The following TP73 variants were observed in gnomAD, a reference collection of about 807,000 sequenced individuals.
TP73 encodes tumor protein p73, also known as p53-like transcription factor.
In TP73, 25 loss-of-function variants were observed where a neutral mutation model predicts 62.5. The observed-to-expected ratio is 0.40, with a 90% CI of 0.29 to 0.56. The LOEUF (loss-of-function observed/expected upper bound fraction) is 0.56, where lower values mean the gene tolerates loss of function less well. Among genes scored for constraint, TP73 ranks in the 20% least tolerant of loss-of-function variants. TP73 has a pLI of 0.46. For missense variants in TP73, 754 were observed against 913.3 expected (o/e 0.83, Z 2.25); for synonymous variants, 423 against 377.5 (o/e 1.12, Z -1.40).
chr1:3,686,035 G>C (rs1645647266), intron 3 of TP73, among the ~76,000 whole-genome samples: 1 of 152,226 alleles, frequency 6.6e-6, no homozygotes, highest in South Asian at 2.1e-4. Context: ...TGGGGGGCCT[G>C]CTTGTGGAAG....
intron 1 of TP73, 47 bp from the exon 2 acceptor site, chr1:3,682,286 A>G: frequency 5.8e-6 from 8 of 1,367,584 alleles, no homozygotes; most frequent in Non-Finnish European, 6.8e-6. Flanking sequence ...AGGAGGACAG[A>G]GCACGAGTTC....
chr1:3,707,168 C>T (rs1482279168), intron 3 of TP73, among the ~76,000 whole-genome samples: 1 of 152,188 alleles, frequency 6.6e-6, no homozygotes. Context: ...CTGGATCTCC[C>T]CACTTTGAGC....
intron 6 of TP73, among the ~76,000 whole-genome samples, chr1:3,725,424 T>G (rs1641425384): frequency 4.1e-5 from 5 of 122,712 alleles, no homozygotes; most frequent in South Asian, 2.6e-4. Context: ...AATGGATGGA[T>G]GGGTAGGTAG....
chr1:3,714,933 G>A (rs1427111364), intron 4 of TP73, among the ~76,000 whole-genome samples: 2 of 152,214 alleles, frequency 1.3e-5, no homozygotes, highest in African/African-American at 2.4e-5. Context: ...ATTCCTTCCC[G>A]GGCTTGGGCA....
rs535214803 is a variant in TP73, at chr1:3,713,806, G to A, written c.429+6015G>A. ...GGACAGCGTGAGGCTCAGAGATTAC[G>A]TGGCGGCCGAGGCTGGTGTCCACAG... On this transcript the variant is annotated intron_variant, in intron 4 of 13. Coordinates refer to ENST00000378295, the MANE Select transcript of TP73 (RefSeq NM_005427.4). Among the ~76,000 whole-genome samples the A allele has an allele frequency of 3.3e-5, 5 of 152,278 alleles. No individual in the cohort carries two copies. The Middle Eastern group carries it at 0.014, about 414-fold the overall frequency.
intron 3 of TP73, among the ~76,000 whole-genome samples, chr1:3,690,098 C>T (rs1645772772): frequency 6.6e-6 from 1 of 152,200 alleles, no homozygotes; most frequent in Non-Finnish European, 1.5e-5. Context: ...GTCCCTGTTT[C>T]CTGGGGGCTT....
At chr1:3,724,519 G>T (rs1641348215) in intron 6 of TP73, among the ~76,000 whole-genome samples, 1 of 152,212 alleles carries the variant, frequency 6.6e-6, no homozygotes, top group African/African-American at 2.4e-5. Context: ...CCAGGGCCCG[G>T]GAGGGCTCCC....
chr1:3,730,385 C>T (rs1557590242), intron 11 of TP73, among the ~76,000 whole-genome samples: 3 of 152,236 alleles, frequency 2.0e-5, no homozygotes. Context: ...CATGCATGCA[C>T]TGCCTCTTGG....
intron 1 of TP73, among the ~76,000 whole-genome samples, chr1:3,667,802 C>T (rs1018357501): frequency 8.6e-5 from 13 of 151,034 alleles, no homozygotes; most frequent in Admixed American, 8.6e-4. Context: ...AGGAAATAAA[C>T]AAGGGCTTGC....
At position 3,707,900 on chromosome 1, in the gene TP73, C is replaced by T. The variant is rs1177731783; in HGVS notation, c.429+109C>T. ...GTCTGAGCTCGCCCCACTGTCTGCT[C>T]GGGGTTCCCACCTGGCCCGGGCCAG... On this transcript the variant is annotated intron_variant, in intron 4 of 13. Coordinates refer to ENST00000378295, the MANE Select transcript of TP73 (RefSeq NM_005427.4). The T allele has an allele frequency of 1.0e-5, 15 of 1,473,420 alleles. No homozygotes were observed. The South Asian group carries it at 1.5e-4, about 14-fold the overall frequency. 91.3% of individuals were successfully genotyped at this position (1,473,420 alleles called of 1,614,324 possible).
intron 1 of TP73, among the ~76,000 whole-genome samples, chr1:3,669,312 A>G (rs1354397127): frequency 6.6e-6 from 1 of 152,188 alleles, no homozygotes; most frequent in Admixed American, 6.5e-5. Context: ...GAAATGCAGT[A>G]CTGTTCAGGC....
intron 1 of TP73, among the ~76,000 whole-genome samples, chr1:3,669,208 G>A (rs1343615770): frequency 2.6e-5 from 4 of 152,310 alleles, no homozygotes; most frequent in Admixed American, 6.5e-5. Flanking sequence ...GGCCTGAGTC[G>A]GGGGGAGTCT....
intron 4 of TP73, among the ~76,000 whole-genome samples, chr1:3,711,749 C>A (rs542581730): frequency 2.0e-5 from 3 of 152,358 alleles, no homozygotes; most frequent in African/African-American, 7.2e-5. Flanking sequence ...CCAGCTGCCC[C>A]AGCATTCCTC....
intron 1 of TP73, among the ~76,000 whole-genome samples, chr1:3,671,871 G>A (rs961392884): frequency 2.0e-5 from 3 of 152,168 alleles, no homozygotes; most frequent in Admixed American, 1.3e-4. Context: ...ATCGCTGCAC[G>A]GGGGAGGTCA....
chr1:3,727,232 C>A lies in TP73; in HGVS notation c.842+8C>A. 2.5e-6 allele frequency: 4 copies of A among 1,610,626 alleles called. No homozygotes were observed. The highest frequency in any genetic ancestry group is 1.7e-5 in the Admixed American group (1 of 59,870). On this transcript the variant is annotated splice_region_variant and intron_variant, in intron 7 of 13. Transcript: ENST00000378295. ...CACCCTGGAGATGCGGGAGTGAGTC[C>A]CGGGCACACGGGGTGGAGGTGGGAC...
intron 3 of TP73, among the ~76,000 whole-genome samples, chr1:3,703,441 G>A (rs570844526): frequency 5.3e-5 from 8 of 152,318 alleles, no homozygotes; most frequent in African/African-American, 1.9e-4. Context: ...GGACGGCACC[G>A]AGAGGGCTTC....
intron 3 of TP73, among the ~76,000 whole-genome samples, chr1:3,707,300 C>T (rs1229670289): frequency 6.6e-6 from 1 of 152,212 alleles, no homozygotes; most frequent in Non-Finnish European, 1.5e-5. Context: ...TATTCCGCCT[C>T]ATCAACGGCT....
intron 4 of TP73, among the ~76,000 whole-genome samples, chr1:3,709,464 C>T (rs1639952926): frequency 6.6e-6 from 1 of 152,242 alleles, no homozygotes; most frequent in Non-Finnish European, 1.5e-5. Flanking sequence ...CGGTGCTTAG[C>T]TCGCAGCAGG....
intron 1 of TP73, among the ~76,000 whole-genome samples, chr1:3,656,745 C>T (rs956001591): frequency 2.0e-5 from 3 of 152,200 alleles, no homozygotes; most frequent in Non-Finnish European, 4.4e-5. Context: ...ACATTCAGGC[C>T]GGAAGGGCCC....
Sources: gnomAD v4.1 joint callset for allele counts (sites outside exome capture counted in the v4.1 genomes callset) on GRCh38, gnomAD v4.1.1 for gene constraint, MANE v1.5 for transcripts, NCBI Gene and HGNC (gene_info 2026-07-23, HGNC 2026-07-21) for gene names.